The following DNAH8 variants were observed in gnomAD, a reference collection of about 807,000 sequenced individuals.
DNAH8 encodes the protein axonemal beta dynein heavy chain 8.
In DNAH8, 382 loss-of-function variants were observed where a neutral mutation model predicts 562.1. The ratio of observed to expected loss-of-function variants is 0.68; its 90% CI spans 0.63 to 0.74. The LOEUF (loss-of-function observed/expected upper bound fraction) is 0.74, where lower values mean the gene tolerates loss of function less well. Among genes scored for constraint, DNAH8 ranks in the 30% least tolerant of loss-of-function variants. The probability of loss-of-function intolerance (pLI) is 0.00; values close to 1 mark genes in which losing one functional copy is unlikely to be tolerated. For synonymous variants in DNAH8, 1,881 were observed against 1,919.4 expected (o/e 0.98, Z 0.52); for missense variants, 5,203 against 5,620.4 (o/e 0.93, Z 2.37).
chr6:38,796,666 A>G (rs1770283897), intron 21 of DNAH8, among the ~76,000 whole-genome samples: 1 of 152,124 alleles, frequency 6.6e-6, no homozygotes, highest in South Asian at 2.1e-4. Flanking sequence ...CGTTCTGATT[A>G]CCGGTGCATG....
intron 1 of DNAH8, among the ~76,000 whole-genome samples, chr6:38,717,900 T>G (rs555038056): frequency 6.6e-6 from 1 of 152,316 alleles, no homozygotes; most frequent in East Asian, 1.9e-4. Flanking sequence ...TGCTGCATAT[T>G]AAACCTTCTT....
In DNAH8 at chr6:38,832,277, A is replaced by T. The variant is rs1039262409; in HGVS notation, c.4189-45A>T. Reference sequence around the variant, plus strand: ...AATAGAATTGTAATTTTTGTTTTTAATATGTTACTTTCACTCTCAGGTTGA... The same window carrying T: ...AATAGAATTGTAATTTTTGTTTTTATTATGTTACTTTCACTCTCAGGTTGA... On this transcript the variant is annotated intron_variant, in intron 30 of 92. Coordinates refer to ENST00000327475, the MANE Select transcript of DNAH8 (RefSeq NM_001206927.2). 3.2e-6 allele frequency: 4 copies of T among 1,258,128 alleles called. No homozygotes were observed. The South Asian group carries it at 3.7e-5, about 12-fold the overall frequency. The allele number at this position is 1,258,128 out of a possible 1,614,324, so 77.9% of individuals were successfully genotyped here.
At chr6:38,957,126 C>T (rs957911674) in intron 82 of DNAH8, among the ~76,000 whole-genome samples, 2 of 151,990 alleles carry the variant, frequency 1.3e-5, no homozygotes, top group African/African-American at 4.8e-5. Flanking sequence ...ATAAAAAGAA[C>T]AGGAGTAACT....
At chr6:38,734,412 G>C in intron 4 of DNAH8, 62 bp from the exon 5 acceptor site, 1 of 1,551,014 alleles carries the variant, frequency 6.4e-7, no homozygotes, top group South Asian at 1.2e-5. Flanking sequence ...AAGAGCCACA[G>C]TAACTTATCT....
At position 38,723,322 on chromosome 6, in the gene DNAH8, G is replaced by A. The variant is rs775481468; in HGVS notation, c.391-15G>A. The A allele has an allele frequency of 6.3e-7, 1 of 1,586,544 alleles. No homozygotes were observed. The highest frequency in any genetic ancestry group is 8.5e-7 in the Non-Finnish European group (1 of 1,171,448). ...TTCAGAATTGCAATTTTTGAACTTG[G>A]TTTTCATTCCTTAGGCAAGATTTAG... is the stretch of plus-strand genomic sequence containing the variant. On this transcript the variant is annotated splice_polypyrimidine_tract_variant and intron_variant, in intron 2 of 92. Coordinates refer to ENST00000327475, the MANE Select transcript of DNAH8 (RefSeq NM_001206927.2).
chr6:39,003,965 A>G (rs1765641858), intron 88 of DNAH8, among the ~76,000 whole-genome samples: 1 of 152,136 alleles, frequency 6.6e-6, no homozygotes, highest in Non-Finnish European at 1.5e-5. Flanking sequence ...TTGCTAAATA[A>G]GACTTTTCCC....
chr6:38,938,445 A>G (rs544451412), intron 78 of DNAH8, among the ~76,000 whole-genome samples: 2 of 152,206 alleles, frequency 1.3e-5, no homozygotes, highest in African/African-American at 4.8e-5. Context: ...TTGCAGAAAC[A>G]TGGATGAAGC....
intron 52 of DNAH8, among the ~76,000 whole-genome samples, chr6:38,874,068 T>TTTTTTTTC (rs1777729477): frequency 1.8e-5 from 1 of 57,062 alleles, no homozygotes; most frequent in Non-Finnish European, 3.5e-5. Context: ...CTTTCTTTCT[T>TTTTTTTTC]TTTCTTTCTT....
At chr6:39,025,625 C>T (rs1767221591) in intron 91 of DNAH8, among the ~76,000 whole-genome samples, 1 of 152,178 alleles carries the variant, frequency 6.6e-6, no homozygotes, top group Non-Finnish European at 1.5e-5. Context: ...TCCCCCAACT[C>T]CCATTCAAAC....
intron 67 of DNAH8, among the ~76,000 whole-genome samples, chr6:38,914,353 C>A (rs1781129777): frequency 1.3e-5 from 2 of 149,190 alleles, no homozygotes; most frequent in Non-Finnish European, 3.0e-5. Context: ...ATCCATACTC[C>A]TCTCAAGGAG....
intron 28 of DNAH8, among the ~76,000 whole-genome samples, chr6:38,825,165 T>A (rs1205953578): frequency 6.6e-6 from 1 of 151,786 alleles, no homozygotes; most frequent in Non-Finnish European, 1.5e-5. Context: ...GGGAAAAGGG[T>A]CCCCTAGGGG....
At chr6:38,949,151 A>G (rs1170053068) in intron 80 of DNAH8, among the ~76,000 whole-genome samples, 2 of 152,196 alleles carry the variant, frequency 1.3e-5, no homozygotes, top group African/African-American at 2.4e-5. Flanking sequence ...GATCCAAATG[A>G]CAGTAATACC....
At chr6:38,987,114 A>T (rs533196701) in intron 87 of DNAH8, among the ~76,000 whole-genome samples, 3 of 152,204 alleles carry the variant, frequency 2.0e-5, no homozygotes, top group Non-Finnish European at 4.4e-5. Flanking sequence ...AGGCATGGAG[A>T]TAAGGATCTG....
intron 43 of DNAH8, among the ~76,000 whole-genome samples, chr6:38,861,949 GTTT>G (rs10677373): frequency 7.4e-6 from 1 of 134,690 alleles, no homozygotes; most frequent in African/African-American, 2.7e-5. Flanking sequence ...TGAAAACCAG[GTTT>G]TTTTTTTTTT....
intron 61 of DNAH8, among the ~76,000 whole-genome samples, chr6:38,899,533 TAGAA>T (rs1779926659): frequency 6.6e-6 from 1 of 152,238 alleles, no homozygotes; most frequent in African/African-American, 2.4e-5. Flanking sequence ...AGTTTTAAAA[TAGAA>T]GGGAGTAAAT....
chr6:38,870,310 G>C (rs1777369056), intron 48 of DNAH8, 91 bp from the exon 49 acceptor site: 1 of 1,108,860 alleles, frequency 9.0e-7, no homozygotes, highest in Non-Finnish European at 1.3e-6. Context: ...GTTCTCTGGG[G>C]ATGAAGTGAT....
chr6:38,972,058 A>G (rs1201056549), intron 83 of DNAH8: 1 of 157,104 alleles, frequency 6.4e-6, no homozygotes, highest in Non-Finnish European at 1.4e-5. Context: ...TTAACGGATC[A>G]TTTCAGGCAA....
chr6:38,899,028 C>T (rs1460835350), intron 61 of DNAH8, among the ~76,000 whole-genome samples: 8 of 152,056 alleles, frequency 5.3e-5, no homozygotes, highest in Admixed American at 5.2e-4. Context: ...ATTATTGATC[C>T]ACCATCTGCA....
intron 15 of DNAH8, 151 bp from the exon 16 acceptor site, chr6:38,781,103 G>C (rs913496681): frequency 8.2e-5 from 58 of 708,792 alleles, no homozygotes; most frequent in African/African-American, 2.7e-4. Flanking sequence ...CAAAATCTCA[G>C]GTTACCTTGG....
Sources: gnomAD v4.1 joint callset for allele counts (sites outside exome capture counted in the v4.1 genomes callset) on GRCh38, gnomAD v4.1.1 for gene constraint, MANE v1.5 for transcripts, NCBI Gene and HGNC (gene_info 2026-07-23, HGNC 2026-07-21) for gene names.